The following OPCML variants were observed in gnomAD, a reference collection of about 807,000 sequenced individuals.
OPCML encodes opioid binding protein/cell adhesion molecule like.
OPCML carries 13 observed loss-of-function variants against 37.8 expected under a neutral mutation model. The observed-to-expected ratio is 0.34, with a 90% confidence interval of 0.22 to 0.55. The LOEUF is 0.55. Ranked by LOEUF, OPCML falls within the 20% of genes least tolerant of loss-of-function variation. The pLI is 0.91. For missense variants in OPCML, 341 were observed against 435.6 expected, an observed-to-expected ratio of 0.78 and a Z score of 1.93; for synonymous variants, 176 against 168.8, an observed-to-expected ratio of 1.04 and a Z score of -0.33.
chr11:132,429,722 A>G (rs1299771562), intron 7 of OPCML, among the ~76,000 whole-genome samples: 1 of 152,292 alleles, frequency 6.6e-6, no homozygotes, highest in Admixed American at 6.5e-5. Context: ...AGAGCTTCTT[A>G]AAAAGTACAT....
intron 1 of OPCML, among the ~76,000 whole-genome samples, chr11:132,999,952 C>G (rs1468737922): frequency 6.6e-6 from 1 of 152,218 alleles, no homozygotes; most frequent in African/African-American, 2.4e-5. Context: ...GCACTCAGCC[C>G]ACCAGACCTG....
chr11:132,543,692 A>G (rs2137385310), intron 3 of OPCML, among the ~76,000 whole-genome samples: 1 of 152,278 alleles, frequency 6.6e-6, no homozygotes, highest in Admixed American at 6.5e-5. Flanking sequence ...TGGGTGTAGC[A>G]TACACAGTAA....
rs150731140 is a variant in OPCML at position 133,072,256 on chromosome 11, G to T, written c.62-129246C>A. Among the ~76,000 whole-genome samples, 14 of 152,270 alleles carry T rather than the reference G, an allele frequency of 9.2e-5. No homozygotes were observed. The East Asian group carries it at 2.7e-3, about 29-fold the overall frequency. Reference sequence around the variant, plus strand: ...ACTAAATTGCATGTTTCAAAATGATGAATTTTATGGCATGTGAATTATATC... The same window carrying T: ...ACTAAATTGCATGTTTCAAAATGATTAATTTTATGGCATGTGAATTATATC... On this transcript the variant is annotated intron_variant, in intron 1 of 7. Transcript: ENST00000524381.
At chr11:132,511,248 G>A (rs1416529895) in intron 4 of OPCML, among the ~76,000 whole-genome samples, 1 of 151,878 alleles carries the variant, frequency 6.6e-6, no homozygotes, top group Non-Finnish European at 1.5e-5. Flanking sequence ...CACACTGAAA[G>A]CCATAAAACA....
chr11:132,620,331 A>G (rs1193718587), intron 3 of OPCML, among the ~76,000 whole-genome samples: 1 of 152,216 alleles, frequency 6.6e-6, no homozygotes, highest in African/African-American at 2.4e-5. Context: ...CCAGTTACAC[A>G]CTCACATTTC....
intron 1 of OPCML, among the ~76,000 whole-genome samples, chr11:133,446,052 A>G (rs1363650524): frequency 6.6e-6 from 1 of 152,178 alleles, no homozygotes; most frequent in Non-Finnish European, 1.5e-5. Flanking sequence ...AAATAGAGCA[A>G]AACTTTAGAA....
At chr11:132,453,914 C>T (rs937169202) in intron 4 of OPCML, among the ~76,000 whole-genome samples, 4 of 152,182 alleles carry the variant, frequency 2.6e-5, no homozygotes, top group African/African-American at 9.7e-5. Context: ...GCTGATGACT[C>T]TTGGCTAAGT....
chr11:133,218,274 G>T (rs1939672114), intron 1 of OPCML, among the ~76,000 whole-genome samples: 1 of 152,108 alleles, frequency 6.6e-6, no homozygotes. Context: ...TGTTGACTGG[G>T]TCTGTCAAGT....
intron 1 of OPCML, among the ~76,000 whole-genome samples, chr11:133,352,156 C>A (rs749486158): frequency 1.3e-5 from 2 of 152,208 alleles, no homozygotes; most frequent in African/African-American, 2.4e-5. Flanking sequence ...ATGGCTAAAG[C>A]CTTCAGGACT....
intron 3 of OPCML, among the ~76,000 whole-genome samples, chr11:132,650,575 T>TAC (rs778030618): frequency 2.3e-3 from 345 of 150,090 alleles, no homozygotes; most frequent in Admixed American, 2.7e-3. Flanking sequence ...CCAATTGACA[T>TAC]ACACACACAC....
intron 3 of OPCML, among the ~76,000 whole-genome samples, chr11:132,538,167 A>G (rs2096345964): frequency 6.6e-6 from 1 of 152,228 alleles, no homozygotes. Context: ...TCAAATATCT[A>G]TCAAGAGATG....
intron 1 of OPCML, among the ~76,000 whole-genome samples, chr11:133,052,513 C>T (rs78606346): frequency 0.015 from 2,267 of 152,276 alleles, 55 homozygotes; most frequent in African/African-American, 0.052. Context: ...GTGCTTCATA[C>T]TTTAGGGGAC....
intron 1 of OPCML, among the ~76,000 whole-genome samples, chr11:132,998,743 A>G (rs531283579): frequency 6.6e-6 from 1 of 152,224 alleles, no homozygotes; most frequent in East Asian, 1.9e-4. Flanking sequence ...AGGTGTTCTT[A>G]TAAAAGGCCC....
chr11:132,459,447 A>AT (rs1160416047), intron 4 of OPCML, among the ~76,000 whole-genome samples: 21 of 149,568 alleles, frequency 1.4e-4, no homozygotes, highest in African/African-American at 5.2e-4. Flanking sequence ...ATACATACAT[A>AT]CATATCTACT....
chr11:132,600,234 A>T (rs1937757271), intron 3 of OPCML, among the ~76,000 whole-genome samples: 1 of 152,194 alleles, frequency 6.6e-6, no homozygotes, highest in Admixed American at 6.5e-5. Flanking sequence ...AGAGATAAGG[A>T]TACCAGACCA....
chr11:132,878,734 A>G lies in OPCML; in HGVS notation c.146+64192T>C, dbSNP rs562725915. The stretch of plus-strand genomic sequence containing the variant: ...ATCTGTCTATCTATCTATCTATCTA[A>G]TCTTTCTATTGAGATATCTCCTATT... On this transcript the variant is annotated intron_variant, in intron 2 of 7. Coordinates refer to ENST00000524381, the MANE Select transcript of OPCML (RefSeq NM_001012393.5). Among the ~76,000 whole-genome samples the G allele has an allele frequency of 2.9e-3, 430 of 148,026 alleles. 4 individuals carry two copies. Among genetic ancestry groups the G allele is most frequent in the Non-Finnish European group, 4.6e-3 (299 of 65,546 alleles).
At chr11:132,684,760 G>A (rs755507843) in intron 2 of OPCML, among the ~76,000 whole-genome samples, 7 of 152,228 alleles carry the variant, frequency 4.6e-5, no homozygotes, top group South Asian at 2.1e-4. Flanking sequence ...TTCTATATGC[G>A]TTTGTTCAAA....
chr11:132,732,388 G>C (rs1280381268), intron 2 of OPCML, among the ~76,000 whole-genome samples: 1 of 152,176 alleles, frequency 6.6e-6, no homozygotes, highest in Non-Finnish European at 1.5e-5. Flanking sequence ...GTTGTTAAGG[G>C]AGAAAGGGGT....
At chr11:132,956,647 G>A (rs1007699231) in intron 1 of OPCML, among the ~76,000 whole-genome samples, 7 of 152,084 alleles carry the variant, frequency 4.6e-5, no homozygotes, top group African/African-American at 1.7e-4. Flanking sequence ...CCACACTTAT[G>A]TTAGACAACA....
Sources: allele counts gnomAD v4.1 joint callset (sites outside exome capture counted in the v4.1 genomes callset), GRCh38; gene constraint gnomAD v4.1.1; transcripts MANE v1.5; gene names NCBI Gene and HGNC (gene_info 2026-07-23, HGNC 2026-07-21).